Variants in CNTN6 observed in about 807,000 individuals in gnomAD.
CNTN6 encodes the protein contactin-6.
CNTN6 carries 137 observed loss-of-function variants against 122.8 expected under a neutral mutation model. That is an observed-to-expected ratio of 1.12 (90% CI 0.97 to 1.29). The LOEUF is 1.29. Among genes scored for constraint, CNTN6 ranks in the 50% most tolerant of loss-of-function variants. The pLI is 0.00. For missense variants in CNTN6, 1,634 were observed against 1,223.4 expected, an observed-to-expected ratio of 1.34 and a Z score of -5.01; for synonymous variants, 570 against 426.0, an observed-to-expected ratio of 1.34 and a Z score of -4.16.
intron 4 of CNTN6, among the ~76,000 whole-genome samples, chr3:1,261,769 C>A (rs1405157676): frequency 1.3e-5 from 2 of 152,078 alleles, no homozygotes; most frequent in Non-Finnish European, 2.9e-5. Context: ...ATGTGACAGT[C>A]ATAATGTGAG....
chr3:1,370,129 C>CA (rs201261410), intron 12 of CNTN6, among the ~76,000 whole-genome samples: 1,631 of 150,428 alleles, frequency 0.011, 26 homozygotes, highest in African/African-American at 0.037. Context: ...CAATAAGATC[C>CA]AAAAAAAAGA....
In CNTN6 at chr3:1,270,538, G is replaced by A. The variant is rs763520968; in HGVS notation, c.359-7875G>A. 5.3e-5 allele frequency among the ~76,000 whole-genome samples: 8 copies of A among 152,224 alleles called. No individual in the cohort carries two copies. In the South Asian group the frequency reaches 6.2e-4, roughly 12 times the overall value. ...CTTTGCCCCGCAAAATGTTTTTGCC[G>A]TAGGCCAAAACAAAATACATACCTT... On this transcript the variant is annotated intron_variant, in intron 4 of 22. Transcript: ENST00000446702.
chr3:1,100,442 CTT>C (rs1423609020), intron 1 of CNTN6, among the ~76,000 whole-genome samples: 8 of 152,184 alleles, frequency 5.3e-5, no homozygotes, highest in African/African-American at 1.9e-4. Flanking sequence ...AAGAATTTCT[CTT>C]TGTCATTGAT....
intron 5 of CNTN6, among the ~76,000 whole-genome samples, chr3:1,284,029 G>A (rs887784944): frequency 6.6e-6 from 1 of 152,086 alleles, no homozygotes; most frequent in Non-Finnish European, 1.5e-5. Flanking sequence ...AAACAAAAAA[G>A]AAACTAAGTC....
chr3:1,382,357 G>A (rs1234767586), intron 17 of CNTN6, among the ~76,000 whole-genome samples: 1 of 152,170 alleles, frequency 6.6e-6, no homozygotes, highest in East Asian at 1.9e-4. Context: ...TGATCTTTGT[G>A]AGAGTTAACA....
intron 17 of CNTN6, among the ~76,000 whole-genome samples, chr3:1,379,456 A>G (rs967034084): frequency 3.3e-5 from 5 of 152,108 alleles, no homozygotes; most frequent in Non-Finnish European, 7.4e-5. Context: ...AAAACTAGCT[A>G]TATTAATGGG....
intron 1 of CNTN6, among the ~76,000 whole-genome samples, chr3:1,118,904 C>T (rs1165381062): frequency 1.3e-5 from 2 of 152,104 alleles, no homozygotes; most frequent in Non-Finnish European, 2.9e-5. Flanking sequence ...CACCATTTTC[C>T]TCTCTCCTTT....
chr3:1,272,886 A>G (rs895008848), intron 4 of CNTN6, among the ~76,000 whole-genome samples: 5 of 152,188 alleles, frequency 3.3e-5, no homozygotes, highest in Admixed American at 2.6e-4. Flanking sequence ...AGATGTTACA[A>G]TACTTGTATT....
rs149626647 is a variant in CNTN6 at position 1,192,801 on chromosome 3, C to T, written c.56-27886C>T. On this transcript the variant is annotated intron_variant, in intron 2 of 22. Coordinates refer to ENST00000446702, the MANE Select transcript of CNTN6 (RefSeq NM_001289080.2). ...TTGAATATGAAAATAAGATATTTCT[C>T]TTTTATTTTTGTCCTCCCTTATCCA... 2.0e-5 allele frequency among the ~76,000 whole-genome samples: 3 copies of T among 152,208 alleles called. No homozygotes were observed. In the East Asian group the frequency reaches 5.8e-4, roughly 29 times the overall value.
chr3:1,176,032 G>A (rs750150389), intron 2 of CNTN6, among the ~76,000 whole-genome samples: 3 of 152,150 alleles, frequency 2.0e-5, no homozygotes, highest in Non-Finnish European at 4.4e-5. Context: ...ATTTTGATTT[G>A]AAAAGCTCTG....
At chr3:1,319,707 G>T (rs1700579181) in intron 7 of CNTN6, among the ~76,000 whole-genome samples, 1 of 151,418 alleles carries the variant, frequency 6.6e-6, no homozygotes, top group Non-Finnish European at 1.5e-5. Flanking sequence ...AAAGGATCAT[G>T]AATTCAGACA....
chr3:1,380,830 C>A (rs140495431), intron 17 of CNTN6, among the ~76,000 whole-genome samples: 1 of 152,196 alleles, frequency 6.6e-6, no homozygotes, highest in Non-Finnish European at 1.5e-5. Flanking sequence ...TTGGTTCTTA[C>A]AGACACTGTG....
intron 1 of CNTN6, among the ~76,000 whole-genome samples, chr3:1,132,936 C>G (rs1328948313): frequency 6.6e-6 from 1 of 152,068 alleles, no homozygotes; most frequent in Non-Finnish European, 1.5e-5. Context: ...ATTATTATTG[C>G]TTCTGAGAGG....
At chr3:1,351,553 G>GT (rs5846109) in intron 11 of CNTN6, among the ~76,000 whole-genome samples, 48 of 138,542 alleles carry the variant, frequency 3.5e-4, no homozygotes, top group East Asian at 1.4e-3. Context: ...AAATCTCAGG[G>GT]TTTTTTTTTT....
At chr3:1,303,385 T>C (rs1339941709) in intron 7 of CNTN6, among the ~76,000 whole-genome samples, 2 of 152,204 alleles carry the variant, frequency 1.3e-5, no homozygotes, top group Non-Finnish European at 2.9e-5. Context: ...CTTCAATAAC[T>C]AAACTTTTAG....
At chr3:1,259,471 A>G (rs1485723728) in intron 4 of CNTN6, among the ~76,000 whole-genome samples, 6 of 152,110 alleles carry the variant, frequency 3.9e-5, no homozygotes, top group Non-Finnish European at 7.4e-5. Context: ...TCAGCTTACT[A>G]TTCACAGGAC....
At chr3:1,392,092 C>G (rs1440477777) in intron 20 of CNTN6, among the ~76,000 whole-genome samples, 3 of 152,130 alleles carry the variant, frequency 2.0e-5, no homozygotes, top group Non-Finnish European at 4.4e-5. Flanking sequence ...GAGCCCGCAT[C>G]GCCAAGTCAA....
chr3:1,322,285 AG>A (rs1388178475), intron 8 of CNTN6, among the ~76,000 whole-genome samples: 1 of 151,548 alleles, frequency 6.6e-6, no homozygotes, highest in East Asian at 1.9e-4. Flanking sequence ...ACTCATAAGT[AG>A]GTAATATAAA....
Position 1,402,492 on chromosome 3 carries a change from T to G in CNTN6, c.2986+6T>G. ...TAGGATTCCAAAAATGTCAAGTAAGTTGAGTCACCATTGCTGTAGTAGATT... is the reference window on the plus strand; with the variant it reads ...TAGGATTCCAAAAATGTCAAGTAAGGTGAGTCACCATTGCTGTAGTAGATT... On this transcript the variant is annotated splice_donor_region_variant and intron_variant, in intron 22 of 22. Coordinates refer to ENST00000446702, the MANE Select transcript of CNTN6 (RefSeq NM_001289080.2). 6 of 1,603,916 alleles carry G rather than the reference T, an allele frequency of 3.7e-6. No individual in the cohort carries two copies. The highest frequency in any genetic ancestry group is 5.1e-6 in the Non-Finnish European group (6 of 1,172,890).
Sources: allele counts gnomAD v4.1 joint callset (sites outside exome capture counted in the v4.1 genomes callset), GRCh38; gene constraint gnomAD v4.1.1; transcripts MANE v1.5; gene names NCBI Gene and HGNC (gene_info 2026-07-23, HGNC 2026-07-21).